The following MGAT5 variants were observed in gnomAD, a reference collection of about 807,000 sequenced individuals.
The protein encoded by MGAT5 is alpha-1,6-mannosylglycoprotein 6-beta-N-acetylglucosaminyltransferase A.
A neutral mutation model predicts 94.3 loss-of-function variants in MGAT5; 30 were observed. That is an observed-to-expected ratio of 0.32 (90% CI 0.24 to 0.43). The LOEUF (loss-of-function observed/expected upper bound fraction) is 0.43, where lower values mean the gene tolerates loss of function less well. Ranked by LOEUF, MGAT5 falls within the 20% of genes least tolerant of loss-of-function variation. The probability of loss-of-function intolerance (pLI) is 1.00; values close to 1 mark genes in which losing one functional copy is unlikely to be tolerated. For synonymous variants in MGAT5, 310 were observed against 322.9 expected (o/e 0.96, Z 0.43); for missense variants, 691 against 905.5 (o/e 0.76, Z 3.04).
chr2:134,378,181 A>G (rs1190723936), intron 10 of MGAT5, among the ~76,000 whole-genome samples: 1 of 152,194 alleles, frequency 6.6e-6, no homozygotes, highest in East Asian at 1.9e-4. Flanking sequence ...GAAAGATGCT[A>G]CAGGAGGAAG....
At chr2:134,133,566 C>G (rs184201891) in intron 1 of MGAT5, among the ~76,000 whole-genome samples, 46 of 152,240 alleles carry the variant, frequency 3.0e-4, no homozygotes, top group African/African-American at 1.1e-3. Context: ...AGAAAAATCC[C>G]CCAAATAGGG....
At position 134,324,975 on chromosome 2, in the gene MGAT5, T is replaced by C. The variant is rs936354409; in HGVS notation, c.573+6236T>C. Among the ~76,000 whole-genome samples the C allele has an allele frequency of 2.0e-5, 3 of 150,168 alleles. No individual in the cohort carries two copies. In the Admixed American group the frequency reaches 2.0e-4, roughly 10 times the overall value. On this transcript the variant is annotated intron_variant, in intron 4 of 15. Coordinates refer to ENST00000281923, the MANE Select transcript of MGAT5 (RefSeq NM_002410.5). Reference sequence around the variant, plus strand: ...ATCTGTATATATTTGTTGCTCTTACTACCTGAGTTCTAAGACATCCTTAGT... The same window carrying C: ...ATCTGTATATATTTGTTGCTCTTACCACCTGAGTTCTAAGACATCCTTAGT...
upstream of MGAT5, among the ~76,000 whole-genome samples, chr2:134,250,142 C>A (rs780580832): frequency 1.3e-5 from 2 of 152,088 alleles, no homozygotes; most frequent in Non-Finnish European, 2.9e-5. Flanking sequence ...TGGGAAGGAA[C>A]AAGGTGATTG....
rs927476322 is a variant in MGAT5, at chr2:134,305,245, G to A, written c.407-12284G>A. Among the ~76,000 whole-genome samples, 41 of 152,158 alleles carry A rather than the reference G, an allele frequency of 2.7e-4. 1 individual carries two copies. Among genetic ancestry groups the A allele is most frequent in the Admixed American group, 2.4e-3 (37 of 15,276 alleles). ...ACAAAATGAAAACCTCAGTTTATGCGAGACGGTGAAAACAAAAATTTTTCT... is the reference window on the plus strand; with the variant it reads ...ACAAAATGAAAACCTCAGTTTATGCAAGACGGTGAAAACAAAAATTTTTCT... On this transcript the variant is annotated intron_variant, in intron 2 of 15. Transcript: ENST00000281923.
At chr2:134,308,921 G>A (rs1375524814) in intron 2 of MGAT5, among the ~76,000 whole-genome samples, 1 of 152,156 alleles carries the variant, frequency 6.6e-6, no homozygotes, top group African/African-American at 2.4e-5. Flanking sequence ...ATTCAGTTGT[G>A]CAACCACCAC....
In MGAT5 at chr2:134,169,413, GACACACACAC is replaced by G. The variant is rs71660291; in HGVS notation, c.-143+49140_-143+49149del. On this transcript the variant is annotated intron_variant, in intron 1 of 16. Coordinates refer to the MGAT5 transcript ENST00000409645. ...ACACACACACACACACACACACACAGACACACACACACACACACACACACACATATATAAA... is the reference window on the plus strand; with the variant it reads ...ACACACACACACACACACACACACAGACACACACACACACACATATATAAA... 2.4e-5 allele frequency among the ~76,000 whole-genome samples: 3 copies of G among 126,866 alleles called. 1 individual carries two copies. Among genetic ancestry groups the G allele is most frequent in the Non-Finnish European group, 1.7e-5 (1 of 58,674 alleles). The allele number at this position is 126,866 out of a possible 152,430, so 83.2% of individuals were successfully genotyped here.
At chr2:134,251,258 T>C (rs1316582861), upstream of MGAT5, among the ~76,000 whole-genome samples, 2 of 151,512 alleles carry the variant, frequency 1.3e-5, no homozygotes, top group Non-Finnish European at 2.9e-5. Context: ...GTAATGTGGC[T>C]GTCAGAGTGT....
At chr2:134,405,310 A>T (rs1683270905) in intron 11 of MGAT5, among the ~76,000 whole-genome samples, 1 of 152,192 alleles carries the variant, frequency 6.6e-6, no homozygotes, top group Admixed American at 6.5e-5. Flanking sequence ...CGTGTAGAGG[A>T]TGTCACTGAT....
intron 1 of MGAT5, among the ~76,000 whole-genome samples, chr2:134,269,382 G>A (rs566071446): frequency 3.9e-5 from 6 of 152,252 alleles, no homozygotes; most frequent in East Asian, 3.9e-4. Flanking sequence ...GCACCTTCCC[G>A]TTTGTCTTAA....
chr2:134,277,137 G>A (rs1350271300), intron 2 of MGAT5, among the ~76,000 whole-genome samples: 2 of 152,094 alleles, frequency 1.3e-5, no homozygotes, highest in African/African-American at 2.4e-5. Flanking sequence ...AGACTGGCTC[G>A]GTTCAAATAC....
intron 2 of MGAT5, among the ~76,000 whole-genome samples, chr2:134,280,741 G>T (rs985771599): frequency 6.6e-6 from 1 of 152,192 alleles, no homozygotes; most frequent in African/African-American, 2.4e-5. Context: ...ATAAAATGAG[G>T]ATAAGAGCCT....
chr2:134,420,718 A>C (rs1402704697), intron 12 of MGAT5, among the ~76,000 whole-genome samples: 3 of 152,252 alleles, frequency 2.0e-5, no homozygotes, highest in Non-Finnish European at 2.9e-5. Flanking sequence ...CAGCACTGGC[A>C]AACCCAATAT....
At chr2:134,381,229 G>T (rs1179570781) in intron 10 of MGAT5, among the ~76,000 whole-genome samples, 2 of 152,088 alleles carry the variant, frequency 1.3e-5, no homozygotes, top group Non-Finnish European at 2.9e-5. Flanking sequence ...TAAGAGGATT[G>T]CTTGAAGCCA....
At chr2:134,197,763 G>C (rs1279460792) in intron 1 of MGAT5, among the ~76,000 whole-genome samples, 1 of 152,298 alleles carries the variant, frequency 6.6e-6, no homozygotes, top group Non-Finnish European at 1.5e-5. Context: ...ATTTCTGCCT[G>C]CTAAAGTTAT....
Position 134,403,359 on chromosome 2 carries a change from C to T in MGAT5, c.1530+222C>T, listed in dbSNP as rs151054886. ...ATTCAAAAATCGTATTTACTAAGGA[C>T]CTACTCAGTGTTAGGTGTCAAGCAA... On this transcript the variant is annotated intron_variant, in intron 11 of 15. Coordinates refer to ENST00000281923, the MANE Select transcript of MGAT5 (RefSeq NM_002410.5). Among the ~76,000 whole-genome samples, 124 of 152,168 alleles carry T rather than the reference C, an allele frequency of 8.1e-4. 1 individual carries two copies. Among genetic ancestry groups the T allele is most frequent in the African/African-American group, 2.6e-3 (106 of 41,500 alleles).
At chr2:134,364,273 G>C (rs2106122509) in intron 10 of MGAT5, among the ~76,000 whole-genome samples, 1 of 152,340 alleles carries the variant, frequency 6.6e-6, no homozygotes, top group East Asian at 1.9e-4. Context: ...GCTGAGGCGG[G>C]TGGATCACCT....
chr2:134,218,698 A>G (rs1680613133), intron 1 of MGAT5, among the ~76,000 whole-genome samples: 1 of 152,118 alleles, frequency 6.6e-6, no homozygotes, highest in Non-Finnish European at 1.5e-5. Context: ...TCTGCATTTT[A>G]TCAGCCAAAG....
At chr2:134,233,413 A>T (rs191979222) in intron 1 of MGAT5, among the ~76,000 whole-genome samples, 35 of 152,366 alleles carry the variant, frequency 2.3e-4, no homozygotes, top group Non-Finnish European at 4.3e-4. Flanking sequence ...CTTCCTCATC[A>T]AAACTGATGG....
chr2:134,288,042 T>C (rs1425782584), intron 2 of MGAT5, among the ~76,000 whole-genome samples: 1 of 152,218 alleles, frequency 6.6e-6, no homozygotes, highest in Non-Finnish European at 1.5e-5. Flanking sequence ...TCCATGTCTT[T>C]CTTTGGTTTT....
Sources: gnomAD v4.1 joint callset for allele counts (sites outside exome capture counted in the v4.1 genomes callset) on GRCh38, gnomAD v4.1.1 for gene constraint, MANE v1.5 for transcripts, NCBI Gene and HGNC (gene_info 2026-07-23, HGNC 2026-07-21) for gene names.